Variants in ADCY9 observed in about 807,000 individuals in gnomAD.
The protein encoded by ADCY9 is adenylate cyclase type 9.
A neutral mutation model predicts 101.5 loss-of-function variants in ADCY9; 50 were observed. That is an observed-to-expected ratio of 0.49 (90% CI 0.39 to 0.62). The LOEUF (loss-of-function observed/expected upper bound fraction) is 0.62. Among genes scored for constraint, ADCY9 ranks in the 20% least tolerant of loss-of-function variants. The probability of loss-of-function intolerance (pLI) is 0.00; values close to 1 mark genes in which losing one functional copy is unlikely to be tolerated. For missense variants in ADCY9, 1,662 were observed against 1,800.4 expected (o/e 0.92, Z 1.39); for synonymous variants, 905 against 769.3 (o/e 1.18, Z -2.92).
intron 3 of ADCY9, among the ~76,000 whole-genome samples, chr16:3,994,926 G>T (rs754170567): frequency 1.3e-4 from 20 of 152,174 alleles, no homozygotes; most frequent in Non-Finnish European, 2.6e-4. Flanking sequence ...ACGATTTCCA[G>T]ATCTAGGCGT....
intron 2 of ADCY9, among the ~76,000 whole-genome samples, chr16:4,010,848 C>T (rs1170261429): frequency 6.6e-6 from 1 of 152,168 alleles, no homozygotes; most frequent in Non-Finnish European, 1.5e-5. Context: ...GGCTCCTCCC[C>T]TGCGATGGGA....
downstream of ADCY9, among the ~76,000 whole-genome samples, chr16:3,959,267 A>G (rs1252219487): frequency 5.9e-5 from 9 of 151,658 alleles, no homozygotes; most frequent in Non-Finnish European, 2.9e-5. Flanking sequence ...AGGCAGAGAC[A>G]GGAGGATGGC....
At chr16:3,969,614 T>TATATATATGCGTA (rs1567414929) in intron 10 of ADCY9, among the ~76,000 whole-genome samples, 2 of 50,718 alleles carry the variant, frequency 3.9e-5, no homozygotes, top group Non-Finnish European at 7.6e-5. Flanking sequence ...ATATATGTAT[T>TATATATATGCGTA]TTTTTTTTTT....
At chr16:3,978,602 AG>A (rs1283796269) in intron 8 of ADCY9, among the ~76,000 whole-genome samples, 2 of 152,268 alleles carry the variant, frequency 1.3e-5, no homozygotes, top group Admixed American at 1.3e-4. Context: ...GGGACTCCCC[AG>A]CCCGGCCACT....
intron 2 of ADCY9, among the ~76,000 whole-genome samples, chr16:4,056,949 G>T (rs1326787655): frequency 1.3e-5 from 2 of 151,552 alleles, no homozygotes; most frequent in African/African-American, 4.9e-5. Flanking sequence ...CTCTCCTTCA[G>T]GTGCCAGGCC....
chr16:4,051,381 G>A (rs1187571630), intron 2 of ADCY9, among the ~76,000 whole-genome samples: 2 of 151,954 alleles, frequency 1.3e-5, no homozygotes, highest in African/African-American at 2.4e-5. Context: ...AAAATTAGCC[G>A]GGCGTGGTGG....
chr16:4,053,878 G>A (rs2056718354), intron 2 of ADCY9, among the ~76,000 whole-genome samples: 2 of 152,076 alleles, frequency 1.3e-5, no homozygotes, highest in African/African-American at 4.8e-5. Context: ...TCTGGATAGG[G>A]CATTACCCAG....
intron 9 of ADCY9, among the ~76,000 whole-genome samples, chr16:3,976,372 G>A (rs1379476403): frequency 6.6e-6 from 1 of 152,130 alleles, no homozygotes; most frequent in African/African-American, 2.4e-5. Flanking sequence ...TGTCGCTAAT[G>A]GCAAATATTT....
chr16:3,981,402 G>A (rs1022571871), intron 7 of ADCY9, among the ~76,000 whole-genome samples: 1 of 152,192 alleles, frequency 6.6e-6, no homozygotes, highest in African/African-American at 2.4e-5. Context: ...AGGAAAACCT[G>A]GGGGTGGACC....
intron 2 of ADCY9, among the ~76,000 whole-genome samples, chr16:4,097,553 ATTTTTTT>A (rs35732229): frequency 5.4e-4 from 29 of 53,402 alleles, no homozygotes; most frequent in South Asian, 9.5e-4. Context: ...ATATATATAT[ATTTTTTT>A]TTTTTTTTTT....
chr16:4,022,444 T>C (rs191671071), intron 2 of ADCY9, among the ~76,000 whole-genome samples: 15 of 132,204 alleles, frequency 1.1e-4, no homozygotes, highest in Admixed American at 3.7e-4. Flanking sequence ...TGAGCCGAGA[T>C]TGCACCACTG....
intron 3 of ADCY9, among the ~76,000 whole-genome samples, chr16:3,999,445 C>T (rs886533922): frequency 3.3e-5 from 5 of 151,952 alleles, no homozygotes; most frequent in African/African-American, 1.2e-4. Context: ...CCCGGACCAC[C>T]GTCATATGGC....
intron 7 of ADCY9, among the ~76,000 whole-genome samples, chr16:3,980,104 C>T (rs2056127973): frequency 6.6e-6 from 1 of 152,248 alleles, no homozygotes; most frequent in African/African-American, 2.4e-5. Context: ...TGCATGTTCA[C>T]CTCTAGCTGG....
chr16:4,048,658 G>A (rs2056681495), intron 2 of ADCY9, among the ~76,000 whole-genome samples: 1 of 152,138 alleles, frequency 6.6e-6, no homozygotes, highest in African/African-American at 2.4e-5. Context: ...CAAATAATAG[G>A]AGACACAGCG....
At position 3,965,089 on chromosome 16, in the gene ADCY9, T is replaced by A. The variant is rs1211626390; in HGVS notation, c.*686A>T. On this transcript the variant is annotated 3_prime_UTR_variant, in exon 11 of 11. Coordinates refer to ENST00000294016, the MANE Select transcript of ADCY9 (RefSeq NM_001116.4). ...CATTTGCTGTCTTGGCCTGCATGCATGTGGGCGAGCCCCTAAACCCGCTCA... is the reference window on the plus strand; with the variant it reads ...CATTTGCTGTCTTGGCCTGCATGCAAGTGGGCGAGCCCCTAAACCCGCTCA... 6.6e-6 allele frequency: 1 copy of A among 152,388 alleles called. No individual in the cohort carries two copies. The highest frequency in any genetic ancestry group is 2.4e-5 in the African/African-American group (1 of 41,434). 9.4% of individuals were successfully genotyped at this position (152,388 alleles called of 1,614,324 possible).
Position 3,974,807 on chromosome 16 carries a change from T to C in ADCY9, c.2829-97A>G, listed in dbSNP as rs1019163670. The stretch of plus-strand genomic sequence containing the variant: ...GCTTGAACAAACTATGTTCCTTTTT[T>C]AGACGTGGTTGTACATCCACATAAA... On this transcript the variant is annotated intron_variant, in intron 9 of 10. Transcript: ENST00000294016. 13 of 1,003,288 alleles carry C rather than the reference T, an allele frequency of 1.3e-5. No homozygotes were observed. The Middle Eastern group carries it at 8.5e-4, about 65-fold the overall frequency. 62.1% of individuals were successfully genotyped at this position (1,003,288 alleles called of 1,614,324 possible). A position where few individuals can be genotyped will look rare whatever the true frequency, so the allele number is the denominator to read the frequency against.
rs2056451726 is a variant in ADCY9 at position 4,018,288 on chromosome 16, A to G, written c.1694-10730T>C. Among the ~76,000 whole-genome samples, 4 of 146,852 alleles carry G rather than the reference A, an allele frequency of 2.7e-5. No individual in the cohort carries two copies. In the Admixed American group the frequency reaches 2.8e-4, roughly 10 times the overall value. ...GAGTGCAGTGGCATGATCTCGGCTCACTGCAACCTCTGCCTCCCGGGTTCA... is the reference window on the plus strand; with the variant it reads ...GAGTGCAGTGGCATGATCTCGGCTCGCTGCAACCTCTGCCTCCCGGGTTCA... On this transcript the variant is annotated intron_variant, in intron 2 of 10. Coordinates refer to ENST00000294016, the MANE Select transcript of ADCY9 (RefSeq NM_001116.4).
intron 2 of ADCY9, among the ~76,000 whole-genome samples, chr16:4,045,658 C>T (rs955408941): frequency 1.4e-5 from 2 of 147,962 alleles, no homozygotes; most frequent in African/African-American, 5.0e-5. Context: ...CTGCATCCAT[C>T]CAAGAGGGGA....
intron 2 of ADCY9, among the ~76,000 whole-genome samples, chr16:4,087,474 T>C (rs1161699356): frequency 1.3e-5 from 2 of 150,464 alleles, no homozygotes; most frequent in Non-Finnish European, 1.5e-5. Context: ...AGGTGGATGC[T>C]GTAGTGAGCT....
Sources: allele counts gnomAD v4.1 joint callset (sites outside exome capture counted in the v4.1 genomes callset), GRCh38; gene constraint gnomAD v4.1.1; transcripts MANE v1.5; gene names NCBI Gene and HGNC (gene_info 2026-07-23, HGNC 2026-07-21).